Variants in AHI1 observed in about 807,000 individuals in gnomAD.
AHI1 encodes jouberin.
A neutral mutation model predicts 149.3 loss-of-function variants in AHI1; 123 were observed. The ratio of observed to expected loss-of-function variants is 0.82; its 90% confidence interval spans 0.71 to 0.96. AHI1 has a LOEUF of 0.96. Ranked by LOEUF, AHI1 falls within the 40% of genes least tolerant of loss-of-function variation. The pLI, the probability that AHI1 is intolerant of heterozygous loss-of-function variation, is 0.00. For synonymous variants in AHI1, 475 were observed against 459.8 expected, an observed-to-expected ratio of 1.03 and a Z score of -0.42; for missense variants, 1,439 against 1,422.7, an observed-to-expected ratio of 1.01 and a Z score of -0.18.
chr6:135,291,534 C>A (rs1021473086), intron 27 of AHI1, among the ~76,000 whole-genome samples: 2 of 152,134 alleles, frequency 1.3e-5, no homozygotes, highest in Non-Finnish European at 2.9e-5. Context: ...GGAAGAGAGG[C>A]CTCACGGGAA....
chr6:135,494,391 C>T lies in AHI1; in HGVS notation c.-55+1423G>A, dbSNP rs112350231. Among the ~76,000 whole-genome samples, 878 of 152,288 alleles carry T rather than the reference C, an allele frequency of 5.8e-3. 2 individuals carry two copies. Among genetic ancestry groups the T allele is most frequent in the Non-Finnish European group, 9.3e-3 (635 of 68,018 alleles). On this transcript the variant is annotated intron_variant, in intron 3 of 28. Transcript: ENST00000265602. ...GTATGGGTCATGTTGAGTTGGGTAT[C>T]TGAAGGGCACTGAGCAGCTACAAGC...
rs1447911301 is a variant in AHI1 at position 135,399,337 on chromosome 6, ACTC to A, written c.2989-4444_2989-4442del. ...TTCCTTAAGCTTCGTTAAAAGCTAA[ACTC>A]CTTGAAAAACAGCACACAACTGCAA... On this transcript the variant is annotated intron_variant, in intron 22 of 28. Coordinates refer to ENST00000265602, the MANE Select transcript of AHI1 (RefSeq NM_001134831.2). Among the ~76,000 whole-genome samples the A allele has an allele frequency of 5.9e-5, 9 of 152,266 alleles. No homozygotes were observed. In the South Asian group the frequency reaches 1.7e-3, roughly 28 times the overall value.
At chr6:135,432,999 T>G (rs1784880068) in intron 16 of AHI1, 28 bp downstream of exon 16, 2 of 1,542,804 alleles carry the variant, frequency 1.3e-6, no homozygotes, top group African/African-American at 1.4e-5. Context: ...TTCACATAGC[T>G]GGTCTTCATT....
chr6:135,327,266 C>G (rs910417414), intron 24 of AHI1, among the ~76,000 whole-genome samples: 1 of 152,142 alleles, frequency 6.6e-6, no homozygotes, highest in Non-Finnish European at 1.5e-5. Flanking sequence ...TGTGTAATGC[C>G]TCACTTGTAT....
intron 23 of AHI1, among the ~76,000 whole-genome samples, 155 bp from the exon 24 acceptor site, chr6:135,358,342 A>T (rs543801662): frequency 6.6e-6 from 1 of 152,336 alleles, no homozygotes; most frequent in South Asian, 2.1e-4. Context: ...TTTAAGATGT[A>T]TCATGAATTC....
intron 15 of AHI1, among the ~76,000 whole-genome samples, chr6:135,433,745 A>G (rs1784988029): frequency 6.6e-6 from 1 of 152,034 alleles, no homozygotes; most frequent in Non-Finnish European, 1.5e-5. Flanking sequence ...GATAGTAAAA[A>G]TGAAGATCTC....
chr6:135,330,778 C>T (rs908429334), intron 24 of AHI1, among the ~76,000 whole-genome samples: 3 of 152,176 alleles, frequency 2.0e-5, no homozygotes, highest in Admixed American at 1.3e-4. Context: ...CGGGAATCTG[C>T]TTGTATTTCA....
intron 17 of AHI1, 128 bp downstream of exon 17, chr6:135,431,080 A>C: frequency 1.7e-6 from 1 of 601,144 alleles, no homozygotes; most frequent in Non-Finnish European, 2.9e-6. Flanking sequence ...ATTATTGATA[A>C]CTAAGAAAAA....
chr6:135,313,384 T>C (rs549413977), intron 26 of AHI1, among the ~76,000 whole-genome samples: 1 of 152,330 alleles, frequency 6.6e-6, no homozygotes, highest in East Asian at 1.9e-4. Flanking sequence ...TTGAGTTCCA[T>C]ATCCTCCATG....
intron 24 of AHI1, among the ~76,000 whole-genome samples, chr6:135,351,973 T>G (rs1450769037): frequency 6.6e-6 from 1 of 152,180 alleles, no homozygotes; most frequent in Non-Finnish European, 1.5e-5. Flanking sequence ...GATCTCCCTT[T>G]TTAACTACAA....
intron 23 of AHI1, among the ~76,000 whole-genome samples, chr6:135,382,962 AAAT>A (rs1222511207): frequency 1.8e-4 from 26 of 140,988 alleles, no homozygotes; most frequent in Admixed American, 1.4e-3. Flanking sequence ...TATACATATA[AAAT>A]AATAATAATT....
chr6:135,403,796 C>T (rs1780360656), intron 22 of AHI1, among the ~76,000 whole-genome samples: 2 of 151,938 alleles, frequency 1.3e-5, no homozygotes, highest in African/African-American at 4.8e-5. Flanking sequence ...TTCTCTTTTC[C>T]CCCCTCGTCT....
chr6:135,293,616 G>GACAAATACCTGTAAATTGAAACTTAAAA (rs60108996), intron 27 of AHI1, among the ~76,000 whole-genome samples: 32,987 of 151,644 alleles, frequency 0.22, 7,844 homozygotes, highest in African/African-American at 0.6. Context: ...ATAAACTAGC[G>GACAAATACCTGTAAATTGAAACTTAAAA]ACAATACCAT....
At chr6:135,405,839 G>A (rs548314193) in intron 21 of AHI1, among the ~76,000 whole-genome samples, 3 of 127,384 alleles carry the variant, frequency 2.4e-5, no homozygotes, top group Admixed American at 9.8e-5. Flanking sequence ...CAGCCTGGGC[G>A]ACAGAGTGAG....
At chr6:135,362,683 T>C (rs1490122375) in intron 23 of AHI1, among the ~76,000 whole-genome samples, 2 of 152,222 alleles carry the variant, frequency 1.3e-5, no homozygotes, top group Non-Finnish European at 2.9e-5. Context: ...GTCAATTGTC[T>C]ATGCATGTCC....
intron 23 of AHI1, among the ~76,000 whole-genome samples, chr6:135,372,335 TAGAG>T (rs1775186861): frequency 6.6e-6 from 1 of 152,028 alleles, no homozygotes; most frequent in African/African-American, 2.4e-5. Flanking sequence ...ATAGAAGAAT[TAGAG>T]AGTCTTTTAA....
At chr6:135,351,221 C>T (rs1430702633) in intron 24 of AHI1, among the ~76,000 whole-genome samples, 1 of 151,828 alleles carries the variant, frequency 6.6e-6, no homozygotes. Flanking sequence ...TTTCCTTGTT[C>T]CTGATCTCCT....
chr6:135,329,797 T>C (rs893901789), intron 24 of AHI1, among the ~76,000 whole-genome samples: 1 of 152,156 alleles, frequency 6.6e-6, no homozygotes, highest in Non-Finnish European at 1.5e-5. Context: ...CTAGATGACA[T>C]TAAGAAGATT....
intron 24 of AHI1, among the ~76,000 whole-genome samples, chr6:135,325,096 C>T (rs1382641048): frequency 1.3e-5 from 2 of 150,608 alleles, no homozygotes; most frequent in Admixed American, 6.6e-5. Context: ...GTGTGATCTA[C>T]ACTCACTGCA....
Sources: allele counts gnomAD v4.1 joint callset (sites outside exome capture counted in the v4.1 genomes callset), GRCh38; gene constraint gnomAD v4.1.1; transcripts MANE v1.5; gene names NCBI Gene and HGNC (gene_info 2026-07-23, HGNC 2026-07-21).